Variants in DGKB observed in about 807,000 individuals in gnomAD.
DGKB encodes 90 kDa diacylglycerol kinase.
DGKB carries 67 observed loss-of-function variants against 114.3 expected under a neutral mutation model. The observed-to-expected ratio is 0.59, with a 90% CI of 0.48 to 0.72. The LOEUF (loss-of-function observed/expected upper bound fraction) is 0.72, where lower values mean the gene tolerates loss of function less well. Among genes scored for constraint, DGKB ranks in the 30% least tolerant of loss-of-function variants. DGKB has a pLI of 0.00. For missense variants in DGKB, 907 were observed against 975.2 expected (o/e 0.93, Z 0.93); for synonymous variants, 398 against 323.1 (o/e 1.23, Z -2.49).
At chr7:14,396,388 CAG>C (rs1822224646) in intron 21 of DGKB, among the ~76,000 whole-genome samples, 1 of 152,064 alleles carries the variant, frequency 6.6e-6, no homozygotes, top group African/African-American at 2.4e-5. Flanking sequence ...TAATTACTAA[CAG>C]ATTATATTTT....
intron 4 of DGKB, among the ~76,000 whole-genome samples, chr7:14,737,740 C>A (rs991856051): frequency 2.6e-5 from 4 of 151,896 alleles, no homozygotes; most frequent in African/African-American, 9.7e-5. Flanking sequence ...ATTTATTTTG[C>A]TGGCAGTAAA....
intron 1 of DGKB, among the ~76,000 whole-genome samples, chr7:14,926,601 GGTTT>G (rs967577314): frequency 1.3e-5 from 2 of 149,378 alleles, no homozygotes. Flanking sequence ...TTATGTTTTT[GGTTT>G]GTTTTTACAA....
At chr7:14,622,762 T>TA (rs1807891824) in intron 14 of DGKB, among the ~76,000 whole-genome samples, 1 of 152,158 alleles carries the variant, frequency 6.6e-6, no homozygotes, top group Admixed American at 6.6e-5. Context: ...CCCTTTTTTT[T>TA]ACCCTACTCC....
chr7:14,860,701 C>A (rs775873872), intron 1 of DGKB, among the ~76,000 whole-genome samples: 1 of 151,796 alleles, frequency 6.6e-6, no homozygotes, highest in South Asian at 2.1e-4. Context: ...TTTCAAAGCA[C>A]ACAGTTATAC....
intron 23 of DGKB, among the ~76,000 whole-genome samples, chr7:14,279,399 CTG>C (rs1799544717): frequency 1.3e-5 from 2 of 152,168 alleles, no homozygotes; most frequent in African/African-American, 2.4e-5. Context: ...GGAGGCCTGC[CTG>C]CCTCTGTAGG....
chr7:14,746,167 C>T (rs373558957), intron 4 of DGKB, among the ~76,000 whole-genome samples: 4 of 152,056 alleles, frequency 2.6e-5, no homozygotes, highest in African/African-American at 7.2e-5. Flanking sequence ...GGCAAAACCC[C>T]GTCTCTACTA....
intron 2 of DGKB, among the ~76,000 whole-genome samples, chr7:14,799,896 C>G (rs1841919279): frequency 6.6e-6 from 1 of 152,010 alleles, no homozygotes; most frequent in South Asian, 2.1e-4. Flanking sequence ...GATGCAAGGG[C>G]CTGCATATAA....
chr7:14,666,343 C>T (rs185017729), intron 13 of DGKB, among the ~76,000 whole-genome samples: 90 of 152,072 alleles, frequency 5.9e-4, no homozygotes, highest in African/African-American at 1.8e-3. Context: ...CTGAGAAGGG[C>T]TAAAACAACA....
intron 25 of DGKB, among the ~76,000 whole-genome samples, chr7:14,161,445 A>C (rs551909791): frequency 4.4e-4 from 67 of 152,350 alleles, no homozygotes; most frequent in African/African-American, 1.6e-3. Context: ...TGGATAAAGA[A>C]AATGTGGCAC....
chr7:14,214,509 G>A (rs1323078995), intron 23 of DGKB, among the ~76,000 whole-genome samples: 1 of 151,808 alleles, frequency 6.6e-6, no homozygotes, highest in African/African-American at 2.4e-5. Flanking sequence ...AATATTATAT[G>A]GTACTTATTT....
intron 1 of DGKB, among the ~76,000 whole-genome samples, chr7:14,928,116 T>G (rs116449722): frequency 0.011 from 1,599 of 152,040 alleles, 25 homozygotes; most frequent in African/African-American, 0.036. Flanking sequence ...ACATTTAAAA[T>G]TCTATTTATG....
chr7:14,628,781 GA>G (rs750325610), intron 14 of DGKB, among the ~76,000 whole-genome samples: 2 of 151,910 alleles, frequency 1.3e-5, no homozygotes, highest in Non-Finnish European at 2.9e-5. Flanking sequence ...TGGGCTTAAG[GA>G]AATTTTTGGA....
At chr7:14,681,344 A>G (rs4521664) in intron 12 of DGKB, among the ~76,000 whole-genome samples, 126,782 of 152,048 alleles carry the variant, frequency 0.83, 52,900 homozygotes, top group East Asian at 0.87. Context: ...CAGAAAATGT[A>G]TTCATTTAAA....
chr7:14,165,507 T>G (rs967191653), intron 25 of DGKB, among the ~76,000 whole-genome samples: 5 of 152,214 alleles, frequency 3.3e-5, no homozygotes, highest in African/African-American at 1.2e-4. Context: ...ATGTACTGTT[T>G]ATATTTAGGC....
At chr7:14,415,525 G>T (rs1268737304) in intron 21 of DGKB, among the ~76,000 whole-genome samples, 1 of 151,376 alleles carries the variant, frequency 6.6e-6, no homozygotes, top group East Asian at 2.0e-4. Flanking sequence ...GCGGTGTTTG[G>T]TTTTTTGTTC....
chr7:14,271,187 A>G (rs1798222472), intron 23 of DGKB, among the ~76,000 whole-genome samples: 1 of 152,204 alleles, frequency 6.6e-6, no homozygotes, highest in Admixed American at 6.5e-5. Context: ...AAATGTGGCC[A>G]AATTTAAGTT....
intron 13 of DGKB, among the ~76,000 whole-genome samples, chr7:14,657,618 G>A (rs1816125736): frequency 6.6e-6 from 1 of 151,796 alleles, no homozygotes. Flanking sequence ...TTTAAAAGAA[G>A]GGTGAAACAG....
intron 23 of DGKB, among the ~76,000 whole-genome samples, chr7:14,180,354 T>C (rs958856591): frequency 6.6e-5 from 10 of 152,208 alleles, no homozygotes; most frequent in Admixed American, 6.5e-4. Context: ...ACCATATTGC[T>C]ACTGTCTACC....
chr7:14,928,848 C>G (rs1350801269), intron 1 of DGKB, among the ~76,000 whole-genome samples: 2 of 151,824 alleles, frequency 1.3e-5, no homozygotes, highest in African/African-American at 4.8e-5. Context: ...CCATCTGAGT[C>G]TCCATTGTCT....
Sources: allele counts gnomAD v4.1 joint callset (sites outside exome capture counted in the v4.1 genomes callset), GRCh38; gene constraint gnomAD v4.1.1; transcripts MANE v1.5; gene names NCBI Gene and HGNC (gene_info 2026-07-23, HGNC 2026-07-21).